YLPM1: variants seen among roughly 807,000 people sequenced by gnomAD.
YLPM1 encodes YLP motif-containing protein 1.
In YLPM1, 99 loss-of-function variants were observed where a neutral mutation model predicts 230.0. The observed-to-expected ratio is 0.43, with a 90% CI of 0.37 to 0.51. YLPM1 has a LOEUF of 0.51. Ranked by LOEUF, YLPM1 falls within the 20% of genes least tolerant of loss-of-function variation. The probability of loss-of-function intolerance (pLI) is 0.00; values close to 1 mark genes in which losing one functional copy is unlikely to be tolerated. For missense variants in YLPM1, 2,592 were observed against 2,707.7 expected, an observed-to-expected ratio of 0.96 and a Z score of 0.95; for synonymous variants, 984 against 942.5, an observed-to-expected ratio of 1.04 and a Z score of -0.81.
chr14:74,805,233 C>A (rs1345124671), intron 6 of YLPM1, among the ~76,000 whole-genome samples: 1 of 152,178 alleles, frequency 6.6e-6, no homozygotes, highest in Middle Eastern at 3.4e-3. Context: ...ATTGGCCAGG[C>A]TGGTCTTGAA....
chr14:74,809,655 T>G lies in YLPM1; in HGVS notation c.4797T>G (p.Thr1599=). The stretch of plus-strand genomic sequence containing the variant: ...TGAATTCAGAATTTAAGTCAGAAAC[T>G]GCAGCAATTCCATCTGCTCCAGTAT... ...QGLNSEFKSE[T]AAIPSAPVLP... is the part of the protein sequence containing the mutation. Residue 1599 remains threonine (T), a synonymous_variant, in exon 7 of 21, where the codon ACT becomes ACG. Transcript: ENST00000325680. 6.2e-7 allele frequency: 1 copy of G among 1,614,072 alleles called. No individual in the cohort carries two copies. Among genetic ancestry groups the G allele is most frequent in the Non-Finnish European group, 8.5e-7 (1 of 1,179,902 alleles).
At chr14:74,805,500 G>C (rs1020436212) in intron 6 of YLPM1, among the ~76,000 whole-genome samples, 2 of 150,282 alleles carry the variant, frequency 1.3e-5, no homozygotes, top group Non-Finnish European at 3.0e-5. Flanking sequence ...CACACCCTAC[G>C]CCTGGCTAAT....
Position 74,764,123 on chromosome 14 carries a change from TC to T in YLPM1, c.635del (p.Ser212PhefsTer7). ...APTPSYSSSSSSSQSYLSHSQ... is the reference protein window; with the variant it reads ...APTPSYSSSSXSSQSYLSHSQ... ...CACCCCTTCTTACTCATCCTCCTCC[TC>T]TTCCTCGCAATCCTATTTGAGCCAT... On this transcript the variant is annotated frameshift_variant, in exon 1 of 21. Coordinates refer to ENST00000325680, the MANE Select transcript of YLPM1 (RefSeq NM_019589.3). LOFTEE classifies it high-confidence loss of function. The T allele has an allele frequency of 6.2e-7, 1 of 1,613,064 alleles. No individual in the cohort carries two copies.
At position 74,831,594 on chromosome 14, in the gene YLPM1, A is replaced by C. The variant is rs140907537; in HGVS notation, c.6294+2251A>C. Among the ~76,000 whole-genome samples the C allele has an allele frequency of 4.2e-4, 64 of 152,356 alleles. 1 individual carries two copies. The East Asian group carries it at 0.012, about 28-fold the overall frequency. On this transcript the variant is annotated intron_variant, in intron 19 of 20. Transcript: ENST00000325680. Reference sequence around the variant, plus strand: ...GTTTATTTTATTAGGTTGGGTGACCAAAGAGAACTGAGTGGTGCACATTCT... The same window carrying C: ...GTTTATTTTATTAGGTTGGGTGACCCAAGAGAACTGAGTGGTGCACATTCT...
intron 5 of YLPM1, among the ~76,000 whole-genome samples, chr14:74,801,369 A>G (rs1183379343): frequency 6.6e-6 from 1 of 151,824 alleles, no homozygotes; most frequent in South Asian, 2.1e-4. Flanking sequence ...TCATTTGTGG[A>G]CCCTCATTTG....
chr14:74,797,495 G>A, intron 4 of YLPM1, 85 bp from the exon 5 acceptor site: 2 of 1,160,632 alleles, frequency 1.7e-6, no homozygotes, highest in Non-Finnish European at 2.3e-6. Context: ...AAATTCTAAG[G>A]CAAGAGTGCC....
chr14:74,784,639 A>G (rs1329478512), intron 4 of YLPM1, among the ~76,000 whole-genome samples: 4 of 152,226 alleles, frequency 2.6e-5, no homozygotes, highest in African/African-American at 7.2e-5. Context: ...CATTGATTCT[A>G]GAAAGTTTGT....
chr14:74,799,497 G>A lies in YLPM1; in HGVS notation c.4200G>A (p.Arg1400=). 1 of 1,613,972 alleles carries A rather than the reference G, an allele frequency of 6.2e-7. No homozygotes were observed. Among genetic ancestry groups the A allele is most frequent in the East Asian group, 2.2e-5 (1 of 44,878 alleles). ...VPDRMDWERE[R]LSDRWYPSDV... ...ACAGAATGGACTGGGAAAGAGAACGGTTGTCAGACAGATGGTACCCATCTG... is the reference window on the plus strand; with the variant it reads ...ACAGAATGGACTGGGAAAGAGAACGATTGTCAGACAGATGGTACCCATCTG... The change falls in exon 5 of 21, where the codon CGG becomes CGA. Residue 1400 remains arginine, a synonymous_variant. Transcript: ENST00000325680.
chr14:74,777,468 G>A (rs1369969218), intron 1 of YLPM1, among the ~76,000 whole-genome samples: 1 of 151,744 alleles, frequency 6.6e-6, no homozygotes, highest in Non-Finnish European at 1.5e-5. Context: ...TCGGGAAGCT[G>A]AGGCAGGAGA....
chr14:74,821,294 A>G lies in YLPM1; in HGVS notation c.6111+157A>G, dbSNP rs922152747. ...TCAAGGAGACTTTTGGATACTCTTT[A>G]TTTTTCCCCAGACCAAAAGAACCCT... On this transcript the variant is annotated intron_variant, in intron 17 of 20. Transcript: ENST00000325680. 7 of 1,142,156 alleles carry G rather than the reference A, an allele frequency of 6.1e-6. No homozygotes were observed. In the African/African-American group the frequency reaches 9.6e-5, roughly 16 times the overall value. The allele number at this position is 1,142,156 out of a possible 1,614,324, so 70.8% of individuals were successfully genotyped here. A position where few individuals can be genotyped will look rare whatever the true frequency, so the allele number is the denominator to read the frequency against.
intron 1 of YLPM1, among the ~76,000 whole-genome samples, chr14:74,773,591 T>G (rs971254680): frequency 6.6e-6 from 1 of 152,142 alleles, no homozygotes. Flanking sequence ...CTAATTTTTT[T>G]AAAACTGAAG....
At chr14:74,809,840 T>A (rs2091417154) in intron 7 of YLPM1, 43 bp downstream of exon 7, 2 of 1,609,620 alleles carry the variant, frequency 1.2e-6, no homozygotes, top group Non-Finnish European at 1.7e-6. Flanking sequence ...TCTACAGGAA[T>A]TGTTAGCTTC....
intron 6 of YLPM1, among the ~76,000 whole-genome samples, chr14:74,803,436 C>G (rs556662939): frequency 2.5e-4 from 38 of 152,262 alleles, no homozygotes; most frequent in African/African-American, 9.1e-4. Context: ...TCTACTGAAC[C>G]ATTTCATCAA....
chr14:74,769,115 G>A (rs1306990039), intron 1 of YLPM1, among the ~76,000 whole-genome samples: 1 of 150,482 alleles, frequency 6.6e-6, no homozygotes, highest in African/African-American at 2.4e-5. Context: ...TCGCTCTGTT[G>A]CCCAGGCTGG....
At chr14:74,829,370 A>G (rs200346690) in intron 19 of YLPM1, 27 bp downstream of exon 19, 48 of 1,611,552 alleles carry the variant, frequency 3.0e-5, no homozygotes, top group African/African-American at 4.0e-5. Context: ...ATAACTGCCA[A>G]CAAATGAAGG....
intron 4 of YLPM1, among the ~76,000 whole-genome samples, chr14:74,784,531 C>T (rs957929203): frequency 6.6e-6 from 1 of 152,166 alleles, no homozygotes; most frequent in East Asian, 1.9e-4. Flanking sequence ...GATTAGAATC[C>T]AAGGACTTCT....
chr14:74,764,070 C>T lies in YLPM1; in HGVS notation c.581C>T (p.Ser194Phe), dbSNP rs2090882809. 2 of 1,613,072 alleles carry T rather than the reference C, an allele frequency of 1.2e-6. No individual in the cohort carries two copies. The change falls in exon 1 of 21, where the codon TCC becomes TTC. Residue 194 changes from serine to phenylalanine, a missense_variant. By Grantham distance (155) the Ser-to-Phe change is radical. Around this residue, in one of 4 missense-constraint regions of YLPM1, gnomAD observed 1,862 missense variants for 1,819.8 expected, o/e 1.02. Transcript: ENST00000325680. ...CCTGCTCAGCCGTCCCCTTCGCAGT[C>T]CCCACCTTCCCAATCCTACCTGGCG... Reference protein sequence around the residue: ...LPPAQPSPSQSPPSQSYLAPT... With the variant: ...LPPAQPSPSQFPPSQSYLAPT...
chr14:74,823,892 C>G lies in YLPM1; in HGVS notation c.6112-364C>G, dbSNP rs1195205519. 4 of 165,068 alleles carry G rather than the reference C, an allele frequency of 2.4e-5. No individual in the cohort carries two copies. The Admixed American group carries it at 2.6e-4, about 11-fold the overall frequency. 10.2% of individuals were successfully genotyped at this position (165,068 alleles called of 1,614,324 possible). On this transcript the variant is annotated intron_variant, in intron 17 of 20. Coordinates refer to ENST00000325680, the MANE Select transcript of YLPM1 (RefSeq NM_019589.3). ...TTAGAAGATAACCTAGCTAGTATTA[C>G]AAATTCTCTGATACTCTGAGTAATA...
chr14:74,772,351 TA>T (rs767284325), intron 1 of YLPM1, among the ~76,000 whole-genome samples: 1 of 151,666 alleles, frequency 6.6e-6, no homozygotes, highest in Non-Finnish European at 1.5e-5. Context: ...AATAGTTCTA[TA>T]TTCTTAATTT....
Sources: gnomAD v4.1 joint callset for allele counts (sites outside exome capture counted in the v4.1 genomes callset) on GRCh38, gnomAD v4.1.1 for gene constraint, gnomAD v4.1.1 regional missense constraint, MANE v1.5 for transcripts, NCBI Gene and HGNC (gene_info 2026-07-23, HGNC 2026-07-21) for gene names.